Variants in FARS2 observed in about 807,000 individuals in gnomAD.
FARS2 encodes the protein phenylalanine--tRNA ligase, mitochondrial.
Under a neutral mutation model 46.4 loss-of-function variants are expected in FARS2, and 40 were observed. The ratio of observed to expected loss-of-function variants is 0.86; its 90% CI spans 0.67 to 1.12. The LOEUF (loss-of-function observed/expected upper bound fraction) is 1.12. Ranked by LOEUF, FARS2 falls within the 50% of genes most tolerant of loss-of-function variation. The pLI is 0.00. For missense variants in FARS2, 513 were observed against 567.9 expected (o/e 0.90, Z 0.98); for synonymous variants, 234 against 214.9 (o/e 1.09, Z -0.78).
At chr6:5,281,821 C>T (rs922259011) in intron 1 of FARS2, among the ~76,000 whole-genome samples, 2 of 152,156 alleles carry the variant, frequency 1.3e-5, no homozygotes, top group African/African-American at 2.4e-5. Flanking sequence ...AGACACTTCT[C>T]GAGGACCTGA....
chr6:5,592,873 G>A (rs555897404), intron 5 of FARS2, among the ~76,000 whole-genome samples: 4 of 152,326 alleles, frequency 2.6e-5, no homozygotes, highest in South Asian at 4.1e-4. Flanking sequence ...CAGGTACCCA[G>A]GCCTCTTGAA....
intron 1 of FARS2, among the ~76,000 whole-genome samples, chr6:5,301,802 TACACACACACACACACACACACAC>T (rs143654686): frequency 7.6e-6 from 1 of 132,336 alleles, no homozygotes; most frequent in African/African-American, 2.6e-5. Flanking sequence ...CACACACACA[TACACACACACACACACACACACAC>T]ACACACACAC....
chr6:5,307,931 C>G (rs1768830405), intron 1 of FARS2, among the ~76,000 whole-genome samples: 1 of 152,066 alleles, frequency 6.6e-6, no homozygotes, highest in South Asian at 2.1e-4. Context: ...CAGGATCTCT[C>G]AACACTAAAG....
intron 4 of FARS2, among the ~76,000 whole-genome samples, chr6:5,544,153 T>C (rs1188022376): frequency 6.6e-6 from 1 of 152,190 alleles, no homozygotes; most frequent in African/African-American, 2.4e-5. Flanking sequence ...TGCTGGTGCC[T>C]CTCTGAGCTC....
intron 5 of FARS2, among the ~76,000 whole-genome samples, chr6:5,557,737 A>G (rs921900971): frequency 2.6e-5 from 4 of 152,130 alleles, no homozygotes; most frequent in Non-Finnish European, 5.9e-5. Context: ...CTAATGCTTG[A>G]AATCTCCCCT....
At chr6:5,370,941 C>T (rs1759021327) in intron 2 of FARS2, among the ~76,000 whole-genome samples, 1 of 152,164 alleles carries the variant, frequency 6.6e-6, no homozygotes, top group African/African-American at 2.4e-5. Context: ...GTTTACTCCT[C>T]TTAATAAAAA....
At chr6:5,435,549 T>C (rs2127777296) in intron 4 of FARS2, among the ~76,000 whole-genome samples, 1 of 152,348 alleles carries the variant, frequency 6.6e-6, no homozygotes, top group South Asian at 2.1e-4. Context: ...ACTGAGTGAT[T>C]GTGATGTGAG....
intron 4 of FARS2, among the ~76,000 whole-genome samples, chr6:5,516,123 A>G (rs550830121): frequency 6.6e-6 from 1 of 152,324 alleles, no homozygotes; most frequent in African/African-American, 2.4e-5. Flanking sequence ...GGGCCCTTCC[A>G]GACTGTGGCA....
At chr6:5,605,146 G>A (rs9504451) in intron 5 of FARS2, among the ~76,000 whole-genome samples, 42,839 of 151,922 alleles carry the variant, frequency 0.28, 6,842 homozygotes, top group African/African-American at 0.43. Context: ...AGTCATAATC[G>A]TGCCCCCTAC....
At chr6:5,431,544 C>T (rs1183597793) in intron 4 of FARS2, 4 of 445,964 alleles carry the variant, frequency 9.0e-6, no homozygotes, top group South Asian at 4.9e-5. Flanking sequence ...ATGCATAATC[C>T]ATTTTTGTTC....
intron 6 of FARS2, among the ~76,000 whole-genome samples, chr6:5,660,640 C>A (rs77934735): frequency 0.012 from 1,748 of 143,650 alleles, 41 homozygotes; most frequent in African/African-American, 0.042. Flanking sequence ...TAGAGTGAGA[C>A]CCTGTCTCAG....
intron 3 of FARS2, among the ~76,000 whole-genome samples, chr6:5,427,022 A>G (rs964666824): frequency 1.3e-5 from 2 of 152,114 alleles, no homozygotes; most frequent in African/African-American, 4.8e-5. Flanking sequence ...AATAATTACT[A>G]TTTATGTTTG....
intron 2 of FARS2, among the ~76,000 whole-genome samples, chr6:5,375,091 A>G (rs1271914375): frequency 1.3e-5 from 2 of 151,658 alleles, no homozygotes; most frequent in Admixed American, 6.6e-5. Context: ...GCAGTAAGCC[A>G]GAAAGAGAAA....
intron 4 of FARS2, among the ~76,000 whole-genome samples, chr6:5,530,276 A>G (rs1470508195): frequency 6.6e-6 from 1 of 152,184 alleles, no homozygotes; most frequent in East Asian, 1.9e-4. Context: ...GAACATTTCT[A>G]TAAAACAAGC....
chr6:5,759,068 T>C (rs1437676359), intron 6 of FARS2, among the ~76,000 whole-genome samples: 1 of 152,116 alleles, frequency 6.6e-6, no homozygotes, highest in Non-Finnish European at 1.5e-5. Context: ...TTTCTCCATG[T>C]TATAGATGAG....
chr6:5,385,414 CTTTTTTTCTTTTCT>C (rs1317343350), intron 2 of FARS2, among the ~76,000 whole-genome samples: 6 of 139,966 alleles, frequency 4.3e-5, no homozygotes, highest in South Asian at 4.8e-4. Flanking sequence ...AGTTTCTTTT[CTTTTTTTCTTTTCT>C]TTTTTTTTTT....
chr6:5,705,237 A>G (rs796801669), intron 6 of FARS2, among the ~76,000 whole-genome samples: 3 of 152,362 alleles, frequency 2.0e-5, no homozygotes, highest in African/African-American at 7.2e-5. Flanking sequence ...TTGAATCATG[A>G]AATTGCCGTT....
intron 5 of FARS2, among the ~76,000 whole-genome samples, chr6:5,554,218 C>A (rs1288409420): frequency 2.0e-5 from 3 of 152,142 alleles, no homozygotes; most frequent in African/African-American, 7.2e-5. Context: ...AGTTTAAATG[C>A]ACATTTTTAA....
chr6:5,540,063 ACCTGAGCCATGTTTTTCACCTGTCCCG>A (rs1412741813), intron 4 of FARS2, among the ~76,000 whole-genome samples: 1 of 151,994 alleles, frequency 6.6e-6, no homozygotes, highest in Admixed American at 6.6e-5. Flanking sequence ...TTCGCCCTTT[ACCTGAGCCATGTTTTTCACCTGTCCCG>A]CTTGGCAGTG....
Sources: allele counts gnomAD v4.1 joint callset (sites outside exome capture counted in the v4.1 genomes callset), GRCh38; gene constraint gnomAD v4.1.1; transcripts MANE v1.5; gene names NCBI Gene and HGNC (gene_info 2026-07-23, HGNC 2026-07-21).